Variants in TSPEAR observed in about 807,000 individuals in gnomAD.
The protein encoded by TSPEAR is thrombospondin-type laminin G domain and EAR repeat-containing protein.
TSPEAR carries 69 observed loss-of-function variants against 71.6 expected under a neutral mutation model. That is an observed-to-expected ratio of 0.96 (90% CI 0.79 to 1.18). The LOEUF is 1.18. Among genes scored for constraint, TSPEAR ranks in the 50% most tolerant of loss-of-function variants. The pLI, the probability that TSPEAR is intolerant of heterozygous loss-of-function variation, is 0.00. For missense variants in TSPEAR, 971 were observed against 894.9 expected (o/e 1.09, Z -1.09); for synonymous variants, 402 against 387.2 (o/e 1.04, Z -0.45).
At chr21:44,645,771 G>C (rs2146236874) in intron 1 of TSPEAR, among the ~76,000 whole-genome samples, 1 of 152,252 alleles carries the variant, frequency 6.6e-6, no homozygotes, top group South Asian at 2.1e-4. Flanking sequence ...TCCAGAAACA[G>C]GATAGGTGGA....
chr21:44,522,411 G>A (rs909928092), intron 8 of TSPEAR, among the ~76,000 whole-genome samples: 3 of 152,208 alleles, frequency 2.0e-5, no homozygotes, highest in East Asian at 1.9e-4. Context: ...GGGGCCCACC[G>A]TGTCCTGGCC....
intron 1 of TSPEAR, chr21:44,678,211 G>C (rs1214943052): frequency 2.7e-6 from 1 of 372,664 alleles, no homozygotes; most frequent in South Asian, 3.5e-5. Flanking sequence ...GTTTGGATCT[G>C]TGTCCCCACC....
At chr21:44,663,569 T>C (rs1252925095) in intron 1 of TSPEAR, among the ~76,000 whole-genome samples, 1 of 151,744 alleles carries the variant, frequency 6.6e-6, no homozygotes, top group African/African-American at 2.4e-5. Context: ...TTCCAGAAAA[T>C]AGAAGGAAAG....
At chr21:44,611,096 CTTT>C (rs1555930767) in intron 1 of TSPEAR, among the ~76,000 whole-genome samples, 4 of 152,012 alleles carry the variant, frequency 2.6e-5, no homozygotes, top group Non-Finnish European at 5.9e-5. Context: ...GGACTGTGGA[CTTT>C]TGGGTTAATG....
In TSPEAR at chr21:44,612,993, T is replaced by G; in HGVS notation, c.83-44988A>C. On this transcript the variant is annotated intron_variant, in intron 1 of 11. Coordinates refer to ENST00000323084, the MANE Select transcript of TSPEAR (RefSeq NM_144991.3). The surrounding 1 kb of genome is among the most constrained non-coding windows in gnomAD (Gnocchi z 4.1). ...GCCCCTACCTGGGATGGGGTCTCCA[T>G]GTCTCCCCTGTGCTGAGGTGACCTC... is the stretch of plus-strand genomic sequence containing the variant. 5 of 1,462,302 alleles carry G rather than the reference T, an allele frequency of 3.4e-6. No homozygotes were observed. The highest frequency in any genetic ancestry group is 4.6e-6 in the Non-Finnish European group (5 of 1,076,648). 90.6% of individuals were successfully genotyped at this position (1,462,302 alleles called of 1,614,324 possible). A position where few individuals can be genotyped will look rare whatever the true frequency, so the allele number is the denominator to read the frequency against.
intron 2 of TSPEAR, among the ~76,000 whole-genome samples, chr21:44,557,448 A>C (rs989274468): frequency 1.3e-5 from 2 of 152,194 alleles, no homozygotes; most frequent in East Asian, 3.8e-4. Context: ...AGGAATGAGA[A>C]ATATTTATTT....
chr21:44,693,574 C>T (rs1250958478), intron 1 of TSPEAR, among the ~76,000 whole-genome samples: 1 of 152,074 alleles, frequency 6.6e-6, no homozygotes, highest in Non-Finnish European at 1.5e-5. Flanking sequence ...AGATGCTCAA[C>T]AGTATTACTC....
chr21:44,573,766 T>C (rs782104614), intron 1 of TSPEAR: 2 of 1,613,550 alleles, frequency 1.2e-6, no homozygotes, highest in East Asian at 4.5e-5. Context: ...ACCATGTCCG[T>C]CTGCTCCAGC....
intron 1 of TSPEAR, among the ~76,000 whole-genome samples, chr21:44,617,836 C>G (rs1312952761): frequency 1.3e-5 from 2 of 152,266 alleles, no homozygotes; most frequent in Non-Finnish European, 2.9e-5. Flanking sequence ...AACGACACTT[C>G]TGTGTGTGTT....
In TSPEAR at chr21:44,647,084, C is replaced by G. The variant is rs782528839; in HGVS notation, c.82+64349G>C. 3.7e-6 allele frequency: 6 copies of G among 1,613,374 alleles called. No homozygotes were observed. In the South Asian group the frequency reaches 5.5e-5, roughly 15 times the overall value. On this transcript the variant is annotated intron_variant, in intron 1 of 11. Transcript: ENST00000323084. ...CCCATCTGCTGTGTGCCTGTCTGCTCTAGGGCTTCCTCTTCACGCTGCCAG... is the reference window on the plus strand; with the variant it reads ...CCCATCTGCTGTGTGCCTGTCTGCTGTAGGGCTTCCTCTTCACGCTGCCAG...
chr21:44,601,169 C>G, intron 1 of TSPEAR: 1 of 1,598,724 alleles, frequency 6.3e-7, no homozygotes, highest in Non-Finnish European at 8.5e-7. Flanking sequence ...AGCTGTGTGT[C>G]CAGTCCCTGC....
At position 44,540,122 on chromosome 21, in the gene TSPEAR, G is replaced by C. The variant is rs782195204; in HGVS notation, c.304-6199C>G. ...CTGCCAGGAGTCGGAGCAAGCGCTGGAGCAGACGGACATGGTGGACGCGGC... is the reference window on the plus strand; with the variant it reads ...CTGCCAGGAGTCGGAGCAAGCGCTGCAGCAGACGGACATGGTGGACGCGGC... On this transcript the variant is annotated intron_variant, in intron 2 of 11. Coordinates refer to ENST00000323084, the MANE Select transcript of TSPEAR (RefSeq NM_144991.3). 6 of 1,613,630 alleles carry C rather than the reference G, an allele frequency of 3.7e-6. No individual in the cohort carries two copies. The highest frequency in any genetic ancestry group is 1.3e-5 in the African/African-American group (1 of 74,876).
chr21:44,704,280 A>T (rs1264832955), intron 1 of TSPEAR, among the ~76,000 whole-genome samples: 1 of 140,098 alleles, frequency 7.1e-6, no homozygotes, highest in Non-Finnish European at 1.6e-5. Context: ...GGTCCCTACC[A>T]TGGAACACGG....
chr21:44,564,701 C>T (rs1449428811), intron 2 of TSPEAR, among the ~76,000 whole-genome samples: 2 of 151,884 alleles, frequency 1.3e-5, no homozygotes, highest in African/African-American at 4.8e-5. Context: ...AGTTCAACAC[C>T]GTAATTTCAA....
chr21:44,549,143 C>T (rs1036790576), intron 2 of TSPEAR, among the ~76,000 whole-genome samples: 79 of 152,142 alleles, frequency 5.2e-4, no homozygotes, highest in Non-Finnish European at 2.6e-4. Context: ...AAGCTAGACC[C>T]GATTGGCTAA....
intron 2 of TSPEAR, among the ~76,000 whole-genome samples, chr21:44,555,155 A>G (rs1279469480): frequency 1.3e-5 from 2 of 152,240 alleles, no homozygotes; most frequent in Admixed American, 1.3e-4. Context: ...AGCAGAGAAG[A>G]CCATGAAAAC....
At position 44,535,706 on chromosome 21, in the gene TSPEAR, A is replaced by G. The variant is rs587596538; in HGVS notation, c.304-1783T>C. On this transcript the variant is annotated intron_variant, in intron 2 of 11. Coordinates refer to ENST00000323084, the MANE Select transcript of TSPEAR (RefSeq NM_144991.3). ...CTCAGCCTCCAAAGTAGCTGGGACT[A>G]CAGGTGCACACCACCACACCCAGCT... Among the ~76,000 whole-genome samples the G allele has an allele frequency of 6.8e-4, 104 of 152,300 alleles. 1 individual carries two copies. Among genetic ancestry groups the G allele is most frequent in the African/African-American group, 2.5e-3 (103 of 41,552 alleles).
chr21:44,539,940 A>T, intron 2 of TSPEAR: 1 of 1,613,718 alleles, frequency 6.2e-7, no homozygotes, highest in South Asian at 1.1e-5. Context: ...GAGCTGGTGC[A>T]GCCTGATTGG....
At chr21:44,677,317 T>G in intron 1 of TSPEAR, 1 of 1,082,702 alleles carries the variant, frequency 9.2e-7, no homozygotes, top group Non-Finnish European at 1.4e-6. Context: ...TTAGCAGACT[T>G]CTTCTTGCCC....
Sources: allele counts gnomAD v4.1 joint callset (sites outside exome capture counted in the v4.1 genomes callset), GRCh38; gene constraint gnomAD v4.1.1; non-coding constraint Gnocchi (gnomAD v3.1); transcripts MANE v1.5; gene names NCBI Gene and HGNC (gene_info 2026-07-23, HGNC 2026-07-21).